RABGAP1L: variants seen among roughly 807,000 people sequenced by gnomAD.
RABGAP1L encodes rab GTPase-activating protein 1-like.
Under a neutral mutation model 137.7 loss-of-function variants are expected in RABGAP1L, and 63 were observed. The ratio of observed to expected loss-of-function variants is 0.46; its 90% confidence interval spans 0.37 to 0.56. The LOEUF is 0.56. Among genes scored for constraint, RABGAP1L ranks in the 20% least tolerant of loss-of-function variants. The pLI, the probability that RABGAP1L is intolerant of heterozygous loss-of-function variation, is 0.00. For synonymous variants in RABGAP1L, 431 were observed against 433.7 expected (o/e 0.99, Z 0.08); for missense variants, 1,095 against 1,244.0 (o/e 0.88, Z 1.80).
intron 13 of RABGAP1L, among the ~76,000 whole-genome samples, chr1:174,618,924 C>T (rs899957119): frequency 3.3e-5 from 5 of 152,100 alleles, no homozygotes; most frequent in African/African-American, 1.2e-4. Flanking sequence ...ACTAGAATAA[C>T]CAATACAGAG....
intron 21 of RABGAP1L, among the ~76,000 whole-genome samples, chr1:174,970,742 AG>A (rs1459649654): frequency 6.6e-6 from 1 of 152,068 alleles, no homozygotes; most frequent in Non-Finnish European, 1.5e-5. Context: ...TAAAAAAAAA[AG>A]ATCTGTTTAA....
intron 19 of RABGAP1L, among the ~76,000 whole-genome samples, chr1:174,878,959 G>A (rs1325950932): frequency 8.3e-6 from 1 of 120,110 alleles, no homozygotes; most frequent in Non-Finnish European, 1.6e-5. Context: ...TTGACATGGA[G>A]TCTCCCTCTT....
chr1:174,988,921 C>G, intron 25 of RABGAP1L, 83 bp downstream of exon 25: 1 of 1,262,820 alleles, frequency 7.9e-7, no homozygotes, highest in East Asian at 2.7e-5. Context: ...ATACACCTAT[C>G]TAGGTCAGAA....
chr1:174,196,780 T>C (rs151089092), intron 1 of RABGAP1L, among the ~76,000 whole-genome samples: 1,841 of 152,280 alleles, frequency 0.012, 12 homozygotes, highest in Middle Eastern at 0.041. Flanking sequence ...CTGTATCTTA[T>C]AGTAAATCTG....
At chr1:174,286,697 T>G (rs939427884) in intron 10 of RABGAP1L, among the ~76,000 whole-genome samples, 2 of 152,112 alleles carry the variant, frequency 1.3e-5, no homozygotes, top group Non-Finnish European at 2.9e-5. Flanking sequence ...CAATATAAAC[T>G]TTCCCACTTA....
intron 13 of RABGAP1L, among the ~76,000 whole-genome samples, chr1:174,443,948 A>G (rs113603325): frequency 7.2e-5 from 11 of 151,988 alleles, no homozygotes; most frequent in African/African-American, 2.4e-4. Flanking sequence ...TCTTTTCAAC[A>G]GTGTATTTTC....
At chr1:174,889,951 G>A (rs1233736214) in intron 19 of RABGAP1L, among the ~76,000 whole-genome samples, 2 of 151,780 alleles carry the variant, frequency 1.3e-5, no homozygotes, top group Admixed American at 1.3e-4. Flanking sequence ...TGTTGCTTTG[G>A]CTGGTTTTGA....
At chr1:174,577,292 A>G (rs1037612046) in intron 13 of RABGAP1L, among the ~76,000 whole-genome samples, 1 of 150,912 alleles carries the variant, frequency 6.6e-6, no homozygotes, top group East Asian at 1.9e-4. Flanking sequence ...TGTATAGTCA[A>G]TGGAAGAATT....
At chr1:174,543,294 T>A (rs1665655681) in intron 13 of RABGAP1L, among the ~76,000 whole-genome samples, 1 of 152,206 alleles carries the variant, frequency 6.6e-6, no homozygotes, top group Non-Finnish European at 1.5e-5. Flanking sequence ...TGGGTGCATA[T>A]ATATTTAGGA....
chr1:174,705,865 AATAG>A (rs1439215269), intron 17 of RABGAP1L: 8 of 152,286 alleles, frequency 5.3e-5, no homozygotes, highest in African/African-American at 1.9e-4. Flanking sequence ...CACAGTCTTA[AATAG>A]ATTATCCATA....
At chr1:174,385,985 G>A (rs1422755372) in intron 12 of RABGAP1L, among the ~76,000 whole-genome samples, 1 of 151,998 alleles carries the variant, frequency 6.6e-6, no homozygotes, top group Non-Finnish European at 1.5e-5. Flanking sequence ...AATATAGCAT[G>A]TTTGTATGTT....
chr1:174,345,171 T>C (rs902882338), intron 11 of RABGAP1L, among the ~76,000 whole-genome samples: 1 of 152,218 alleles, frequency 6.6e-6, no homozygotes, highest in Non-Finnish European at 1.5e-5. Flanking sequence ...GCCAACCCCA[T>C]GCTGTTTTGG....
chr1:174,302,422 A>C (rs1677802045), intron 10 of RABGAP1L, among the ~76,000 whole-genome samples: 1 of 152,220 alleles, frequency 6.6e-6, no homozygotes, highest in African/African-American at 2.4e-5. Flanking sequence ...AGGTCTCAAG[A>C]AACAAGAGAG....
At chr1:174,349,399 G>T (rs1266232016) in intron 11 of RABGAP1L, among the ~76,000 whole-genome samples, 9 of 138,468 alleles carry the variant, frequency 6.5e-5, no homozygotes, top group Non-Finnish European at 1.4e-4. Flanking sequence ...CGGCTGGCCG[G>T]GTGGGGGGCT....
chr1:174,317,381 G>T (rs998830926), intron 11 of RABGAP1L, among the ~76,000 whole-genome samples: 1 of 152,054 alleles, frequency 6.6e-6, no homozygotes, highest in African/African-American at 2.4e-5. Flanking sequence ...CTGGGATTGG[G>T]TTTTTTCCTT....
intron 10 of RABGAP1L, among the ~76,000 whole-genome samples, chr1:174,290,765 T>G (rs908107543): frequency 2.2e-5 from 3 of 139,332 alleles, no homozygotes; most frequent in South Asian, 2.3e-4. Context: ...TTTTTCTTGG[T>G]TTTTTTTTTT....
At chr1:174,552,455 A>G (rs1270284917) in intron 13 of RABGAP1L, among the ~76,000 whole-genome samples, 1 of 152,126 alleles carries the variant, frequency 6.6e-6, no homozygotes, top group African/African-American at 2.4e-5. Context: ...TAGTTTAGTA[A>G]GGATAATGGC....
chr1:174,841,736 G>A (rs963377052), intron 19 of RABGAP1L, among the ~76,000 whole-genome samples: 1 of 152,082 alleles, frequency 6.6e-6, no homozygotes, highest in East Asian at 1.9e-4. Context: ...AAAATATTTT[G>A]TTCAATCCTG....
intron 14 of RABGAP1L, among the ~76,000 whole-genome samples, chr1:174,652,317 G>A (rs1675583840): frequency 6.6e-6 from 1 of 151,932 alleles, no homozygotes; most frequent in Non-Finnish European, 1.5e-5. Context: ...ATGTGTCTTG[G>A]AGCTCCATCC....
Sources: allele counts gnomAD v4.1 joint callset (sites outside exome capture counted in the v4.1 genomes callset), GRCh38; gene constraint gnomAD v4.1.1; transcripts MANE v1.5; gene names NCBI Gene and HGNC (gene_info 2026-07-23, HGNC 2026-07-21).